TENM2: variants seen among roughly 807,000 people sequenced by gnomAD.
The protein encoded by TENM2 is teneurin transmembrane protein 2, also known as teneurin-2.
A neutral mutation model predicts 245.2 loss-of-function variants in TENM2; 52 were observed. The ratio of observed to expected loss-of-function variants is 0.21; its 90% CI spans 0.17 to 0.27. The LOEUF is 0.27. TENM2 is among the 10% of genes least tolerant of loss of function. The probability of loss-of-function intolerance (pLI) is 1.00; values close to 1 mark genes in which losing one functional copy is unlikely to be tolerated. For synonymous variants in TENM2, 1,363 were observed against 1,438.9 expected (o/e 0.95, Z 1.19); for missense variants, 3,046 against 3,666.8 (o/e 0.83, Z 4.37).
At chr5:167,640,859 CCATATATAT>C (rs1779523378) in intron 2 of TENM2, among the ~76,000 whole-genome samples, 1 of 9,162 alleles carries the variant, frequency 1.1e-4, no homozygotes, top group Non-Finnish European at 2.1e-4. Context: ...ATATATATAT[CCATATATAT>C]ATATATATAT....
chr5:167,865,428 C>T (rs1275945843), intron 2 of TENM2, among the ~76,000 whole-genome samples: 3 of 152,078 alleles, frequency 2.0e-5, no homozygotes, highest in Non-Finnish European at 4.4e-5. Flanking sequence ...CGCACACCAC[C>T]GAGCCTGGCT....
At chr5:167,571,345 G>T (rs572901152) in intron 2 of TENM2, among the ~76,000 whole-genome samples, 2 of 152,172 alleles carry the variant, frequency 1.3e-5, no homozygotes, top group East Asian at 3.9e-4. Flanking sequence ...TCTTAGGCAG[G>T]GTAACCTGGT....
chr5:167,576,143 C>A (rs1245146751), intron 2 of TENM2, among the ~76,000 whole-genome samples: 1 of 152,132 alleles, frequency 6.6e-6, no homozygotes, highest in Non-Finnish European at 1.5e-5. Flanking sequence ...AACAACTGTC[C>A]TTTTCTTAGA....
chr5:168,076,638 C>A (rs3101761), intron 7 of TENM2, among the ~76,000 whole-genome samples: 3 of 152,110 alleles, frequency 2.0e-5, no homozygotes. Flanking sequence ...CTGCTGTATC[C>A]CCAGTACACA....
At chr5:167,815,331 A>G (rs1358398676) in intron 2 of TENM2, among the ~76,000 whole-genome samples, 1 of 152,142 alleles carries the variant, frequency 6.6e-6, no homozygotes, top group Admixed American at 6.6e-5. Flanking sequence ...CCATGGGAGA[A>G]AGATGATAGC....
chr5:167,274,404 C>T, the TENM2 span, among the ~76,000 whole-genome samples: 1 of 152,026 alleles, frequency 6.6e-6, no homozygotes, highest in Non-Finnish European at 1.5e-5. Context: ...ACTAGTCACC[C>T]ATTGAAGAAC....
At chr5:168,227,897 C>A in exon 25 of TENM2, 1 of 1,584,920 alleles carries the variant, frequency 6.3e-7, no homozygotes, top group South Asian at 1.1e-5. Context: ...TTTTCCAGAT[C>A]AAGTTCGGAA....
At chr5:167,620,877 C>T (rs1028907773) in intron 2 of TENM2, among the ~76,000 whole-genome samples, 1 of 152,022 alleles carries the variant, frequency 6.6e-6, no homozygotes, top group Non-Finnish European at 1.5e-5. Context: ...TGGTTTCTCT[C>T]CTTTAAAAAG....
chr5:167,308,122 TCTCCAC>T (rs1755790023), intron 1 of TENM2: 1 of 152,360 alleles, frequency 6.6e-6, no homozygotes, highest in Admixed American at 6.5e-5. Context: ...GACACCCGTC[TCTCCAC>T]CTCTTGCCTC....
chr5:167,994,827 G>A (rs1241410592), intron 5 of TENM2, among the ~76,000 whole-genome samples: 1 of 152,170 alleles, frequency 6.6e-6, no homozygotes, highest in Admixed American at 6.5e-5. Flanking sequence ...GAAGGATGAA[G>A]TAATGGATTG....
At chr5:167,923,169 C>CA (rs1197047158) in intron 3 of TENM2, among the ~76,000 whole-genome samples, 12 of 151,964 alleles carry the variant, frequency 7.9e-5, no homozygotes, top group Admixed American at 2.6e-4. Flanking sequence ...ACTAAAAATA[C>CA]AAAAAATTAA....
rs570975885 is a variant in TENM2 at position 167,513,363 on chromosome 5, T to TAATAGAGTAAAA, written c.502+137890_502+137891insAATAGAGTAAAA. 4.6e-5 allele frequency among the ~76,000 whole-genome samples: 7 copies of TAATAGAGTAAAA among 152,154 alleles called. No individual in the cohort carries two copies. In the East Asian group the frequency reaches 9.7e-4, roughly 21 times the overall value. ...ATATCATTTTAATAATAGAGTAAAA[T>TAATAGAGTAAAA]TCGGTAAAAGGAAACAGTAAATACA... On this transcript the variant is annotated intron_variant, in intron 2 of 28. Coordinates refer to ENST00000518659, the Ensembl canonical transcript of TENM2.
chr5:167,141,791 TG>T, the TENM2 span, among the ~76,000 whole-genome samples: 1 of 152,174 alleles, frequency 6.6e-6, no homozygotes, highest in East Asian at 1.9e-4. Context: ...TGAACAAACT[TG>T]AGGGAGTTTA....
At chr5:167,931,752 G>A (rs1168003253) in intron 3 of TENM2, among the ~76,000 whole-genome samples, 3 of 152,194 alleles carry the variant, frequency 2.0e-5, no homozygotes, top group Non-Finnish European at 4.4e-5. Context: ...TTCAGAAATA[G>A]CTGGATTATT....
intron 2 of TENM2, among the ~76,000 whole-genome samples, chr5:167,585,141 C>T (rs779907233): frequency 2.0e-4 from 30 of 152,142 alleles, no homozygotes; most frequent in Non-Finnish European, 4.0e-4. Flanking sequence ...TCAAAGTGTC[C>T]TAGGGCATCA....
At chr5:167,897,676 A>G (rs1775327573) in intron 3 of TENM2, among the ~76,000 whole-genome samples, 1 of 152,222 alleles carries the variant, frequency 6.6e-6, no homozygotes, top group Non-Finnish European at 1.5e-5. Context: ...TATTCCAGCC[A>G]TAGTCTCATT....
chr5:167,806,473 A>G (rs138842177), intron 2 of TENM2, among the ~76,000 whole-genome samples: 1 of 152,164 alleles, frequency 6.6e-6, no homozygotes, highest in African/African-American at 2.4e-5. Flanking sequence ...CAGGGACTCA[A>G]GTAATATCAC....
intron 2 of TENM2, among the ~76,000 whole-genome samples, chr5:167,769,269 T>C (rs546257799): frequency 6.6e-6 from 1 of 152,222 alleles, no homozygotes; most frequent in Non-Finnish European, 1.5e-5. Flanking sequence ...TTCATGCATG[T>C]GTGAACCTCG....
intron 6 of TENM2, among the ~76,000 whole-genome samples, chr5:168,057,577 G>A (rs974101505): frequency 6.6e-6 from 1 of 151,996 alleles, no homozygotes; most frequent in South Asian, 2.1e-4. Flanking sequence ...CAAACATTTC[G>A]AAGTCATTAA....
Sources: allele counts gnomAD v4.1 joint callset (sites outside exome capture counted in the v4.1 genomes callset), GRCh38; gene constraint gnomAD v4.1.1; transcripts MANE v1.5; gene names NCBI Gene and HGNC (gene_info 2026-07-23, HGNC 2026-07-21).